Variants in CYB5R1 observed in about 807,000 individuals in gnomAD.
CYB5R1 encodes the protein cytochrome b5 reductase 1.
Under a neutral mutation model 37.4 loss-of-function variants are expected in CYB5R1, and 32 were observed. The observed-to-expected ratio is 0.86, with a 90% CI of 0.65 to 1.15. CYB5R1 has a LOEUF of 1.15. CYB5R1 is among the 50% of genes most tolerant of loss of function. The pLI is 0.00. For missense variants in CYB5R1, 345 were observed against 382.5 expected (o/e 0.90, Z 0.82); for synonymous variants, 159 against 155.2 (o/e 1.02, Z -0.18).
rs772370112 is a variant in CYB5R1 at position 202,966,518 on chromosome 1, CT to C, written c.238+9del. 11 of 1,613,998 alleles carry C rather than the reference CT, an allele frequency of 6.8e-6. No individual in the cohort carries two copies. The African/African-American group carries it at 1.5e-4, about 22-fold the overall frequency. On this transcript the variant is annotated intron_variant, in intron 3 of 8. Coordinates refer to ENST00000367249, the MANE Select transcript of CYB5R1 (RefSeq NM_016243.3). ...ACCAGGGAAAGGAGCCCATTCCACA[CT>C]TTCCTTACCCACAGGCAGCCCCAGA...
In CYB5R1 at chr1:202,965,628, T is replaced by A; in HGVS notation, c.346-128A>T. ...CTATCTTTTCCCCGTCTACATACTT[T>A]CTTTCTTTCTTTTTTTTTTTTGAGT... On this transcript the variant is annotated intron_variant, in intron 4 of 8. Transcript: ENST00000367249. The A allele has an allele frequency of 8.0e-6, 7 of 870,642 alleles. No individual in the cohort carries two copies. In the South Asian group the frequency reaches 1.3e-4, roughly 16 times the overall value. The allele number at this position is 870,642 out of a possible 1,614,324, so 53.9% of individuals were successfully genotyped here.
Position 202,966,813 on chromosome 1 carries a change from C to G in CYB5R1, c.101G>C (p.Arg34Pro), listed in dbSNP as rs565157209. ...AVGSYLVRRS[R>P]RPQVTLLDPN... ...GTCCAGGAGAGTGACCTGAGGCCGG[C>G]GGGACCTCCGAACCAAGTAGGAGCC... is the stretch of plus-strand genomic sequence containing the variant. Residue 34 changes from arginine (R) to proline (P), a missense_variant, in exon 2 of 9, where the codon CGC becomes CCC. Transcript: ENST00000367249. The G allele has an allele frequency of 2.4e-5, 38 of 1,614,096 alleles. 1 individual carries two copies. In the South Asian group the frequency reaches 3.8e-4, roughly 16 times the overall value.
At position 202,962,589 on chromosome 1, in the gene CYB5R1, G is replaced by C; in HGVS notation, c.856C>G (p.Leu286Val). The C allele has an allele frequency of 6.2e-7, 1 of 1,613,976 alleles. No individual in the cohort carries two copies. Among genetic ancestry groups the C allele is most frequent in the Non-Finnish European group, 8.5e-7 (1 of 1,179,956 alleles). Residue 286 changes from leucine (L) to valine (V), a missense_variant, in exon 9 of 9, where the codon CTG (leucine) becomes GTG (valine). Leu to Val is a conservative substitution (Grantham distance 32). Transcript: ENST00000367249. ...LLCGPPPMVQ[L>V]ACHPNLDKLG... ...TTGTCCAAGTTGGGATGGCAGGCCA[G>C]CTGCACCATTGGGGGTGGCCCACAA...
At chr1:202,963,535 A>T (rs746569123) in intron 7 of CYB5R1, 107 bp downstream of exon 7, 59 of 765,070 alleles carry the variant, frequency 7.7e-5, no homozygotes, top group African/African-American at 1.4e-4. Flanking sequence ...GACCTTGGGC[A>T]GAGGCTAAAA....
At chr1:202,966,441 T>C (rs888057878) in intron 3 of CYB5R1, 87 bp downstream of exon 3, 2 of 1,471,286 alleles carry the variant, frequency 1.4e-6, no homozygotes, top group Admixed American at 1.7e-5. Context: ...AGCAAACCGG[T>C]TGAAGCAGCG....
intron 8 of CYB5R1, 62 bp from the exon 9 acceptor site, chr1:202,962,761 T>C: frequency 6.3e-7 from 1 of 1,587,836 alleles, no homozygotes; most frequent in Non-Finnish European, 8.6e-7. Flanking sequence ...GGGGGTGTGG[T>C]GCCATGAGAC....
intron 4 of CYB5R1, 68 bp downstream of exon 4, chr1:202,965,819 C>A: frequency 2.5e-6 from 3 of 1,195,830 alleles, no homozygotes; most frequent in Non-Finnish European, 3.7e-6. Context: ...TCAGGCAAAT[C>A]TTAGAAATTT....
At chr1:202,962,811 G>A (rs776768068) in intron 8 of CYB5R1, 112 bp from the exon 9 acceptor site, 4 of 1,355,426 alleles carry the variant, frequency 3.0e-6, no homozygotes, top group Non-Finnish European at 4.1e-6. Flanking sequence ...AGTGTCAAGT[G>A]GTAGCAGCAG....
At position 202,962,578 on chromosome 1, in the gene CYB5R1, A is replaced by G. The variant is rs895357355; in HGVS notation, c.867T>C (p.His289=). 1 of 1,613,678 alleles carries G rather than the reference A, an allele frequency of 6.2e-7. No individual in the cohort carries two copies. Among genetic ancestry groups the G allele is most frequent in the African/African-American group, 1.3e-5 (1 of 75,030 alleles). The part of the protein sequence containing the change: ...GPPPMVQLAC[H]PNLDKLGYSQ... ...AGTAGCCCAGTTTGTCCAAGTTGGG[A>G]TGGCAGGCCAGCTGCACCATTGGGG... The change falls in exon 9 of 9, where the codon CAT becomes CAC. Residue 289 remains histidine (H), a synonymous_variant. Coordinates refer to ENST00000367249, the MANE Select transcript of CYB5R1 (RefSeq NM_016243.3).
At position 202,966,837 on chromosome 1, in the gene CYB5R1, C is replaced by G; in HGVS notation, c.77G>C (p.Gly26Ala). 5 of 1,614,068 alleles carry G rather than the reference C, an allele frequency of 3.1e-6. No homozygotes were observed. Among genetic ancestry groups the G allele is most frequent in the Non-Finnish European group, 4.2e-6 (5 of 1,179,984 alleles). The change falls in exon 2 of 9, where the codon GGC (glycine) becomes GCC (alanine). Residue 26 changes from glycine to alanine, a missense_variant. Gly to Ala is a moderately conservative substitution (Grantham distance 60, BLOSUM62 0). Transcript: ENST00000367249. The part of the protein sequence containing the change: ...GLVTLLGLAV[G>A]SYLVRRSRRP... ...GCGGGACCTCCGAACCAAGTAGGAGCCCACAGCCAGGCCGAGCAGAGTGAC... is the reference window on the plus strand; with the variant it reads ...GCGGGACCTCCGAACCAAGTAGGAGGCCACAGCCAGGCCGAGCAGAGTGAC...
Position 202,963,071 on chromosome 1 carries a change from G to C in CYB5R1, c.740C>G (p.Pro247Arg). Residue 247 changes from proline to arginine, a missense_variant, in exon 8 of 9, where the codon CCA becomes CGA. Physicochemically the swap from Pro to Arg is moderately radical, Grantham distance 103. Coordinates refer to ENST00000367249, the MANE Select transcript of CYB5R1 (RefSeq NM_016243.3). ...TCCAGAAATGGGAAGGATACCTTTT[G>C]GGGGATGATCCAGAGTGAACCAGAG... ...FKLWFTLDHP[P>R]KDWAYSKGFV... 2 of 1,613,416 alleles carry C rather than the reference G, an allele frequency of 1.2e-6. No individual in the cohort carries two copies. Among genetic ancestry groups the C allele is most frequent in the Middle Eastern group, 1.6e-4 (1 of 6,062 alleles).
chr1:202,963,003 A>T (rs1297980065), intron 8 of CYB5R1, 63 bp downstream of exon 8: 1 of 1,464,992 alleles, frequency 6.8e-7, no homozygotes, highest in South Asian at 1.1e-5. Context: ...GAATTCACAA[A>T]GGGGCAAGGC....
intron 1 of CYB5R1, 44 bp from the exon 2 acceptor site, chr1:202,966,942 C>G: frequency 6.4e-7 from 1 of 1,553,304 alleles, no homozygotes. Context: ...TGGGTAAGAG[C>G]CCGGGGCTTG....
Position 202,964,708 on chromosome 1 carries a change from G to A in CYB5R1, c.476-13C>T, listed in dbSNP as rs374488728. ...ATGTTAAAATGCCCTGAGAGGTCAGGTGAAGAGAGCAGTGGAAGAATAAAG... is the reference window on the plus strand; with the variant it reads ...ATGTTAAAATGCCCTGAGAGGTCAGATGAAGAGAGCAGTGGAAGAATAAAG... On this transcript the variant is annotated splice_polypyrimidine_tract_variant and intron_variant, in intron 5 of 8. Transcript: ENST00000367249. 23 of 1,591,072 alleles carry A rather than the reference G, an allele frequency of 1.4e-5. No individual in the cohort carries two copies. Among genetic ancestry groups the A allele is most frequent in the Non-Finnish European group, 2.0e-5 (23 of 1,159,132 alleles).
At chr1:202,965,849 T>G (rs758276924) in intron 4 of CYB5R1, 38 bp downstream of exon 4, 50 of 1,385,344 alleles carry the variant, frequency 3.6e-5, no homozygotes, top group Non-Finnish European at 4.9e-5. Context: ...CCAGAAAGAA[T>G]GGGTAAGCAG....
Position 202,962,051 on chromosome 1 carries a change from C to T in CYB5R1, c.*476G>A, listed in dbSNP as rs932767660. 6.5e-6 allele frequency: 1 copy of T among 152,766 alleles called. No individual in the cohort carries two copies. Among genetic ancestry groups the T allele is most frequent in the African/African-American group, 2.4e-5 (1 of 41,458 alleles). 9.5% of individuals were successfully genotyped at this position (152,766 alleles called of 1,614,324 possible). The stretch of plus-strand genomic sequence containing the variant: ...TTGAGATCTGAAGAAATCATTTCCT[C>T]CTTTCTTGCCATCTCCATAAGACCA... On this transcript the variant is annotated 3_prime_UTR_variant, in exon 9 of 9. Transcript: ENST00000367249.
In CYB5R1 at chr1:202,966,851, G is replaced by A. The variant is rs757335214; in HGVS notation, c.63C>T (p.Leu21=). Residue 21 remains leucine (L), a synonymous_variant, in exon 2 of 9, where the codon CTC becomes CTT. Transcript: ENST00000367249. ...CCAAGTAGGAGCCCACAGCCAGGCC[G>A]AGCAGAGTGACCAGCCCCACCCCCA... ...ASLGVGLVTL[L]GLAVGSYLVR... 2.0e-4 allele frequency: 320 copies of A among 1,613,684 alleles called. No homozygotes were observed. The highest frequency in any genetic ancestry group is 2.5e-4 in the Non-Finnish European group (297 of 1,179,878).
Position 202,962,647 on chromosome 1 carries a change from C to A in CYB5R1, c.798G>T (p.Leu266=). 1 of 1,614,148 alleles carries A rather than the reference C, an allele frequency of 6.2e-7. No homozygotes were observed. Among genetic ancestry groups the A allele is most frequent in the South Asian group, 1.1e-5 (1 of 91,082 alleles). The part of the protein sequence containing the change: ...FVTADMIREH[L]PAPGDDVLVL... ...CCAGCACATCATCCCCTGGAGCGGG[C>A]AGGTGTTCCCGGATCATGTCGGCAG... is the stretch of plus-strand genomic sequence containing the variant. The change falls in exon 9 of 9, where the codon CTG becomes CTT. Residue 266 remains leucine, a synonymous_variant. Coordinates refer to ENST00000367249, the MANE Select transcript of CYB5R1 (RefSeq NM_016243.3).
At chr1:202,963,344 C>T (rs1341552730) in intron 7 of CYB5R1, 179 bp from the exon 8 acceptor site, 2 of 604,496 alleles carry the variant, frequency 3.3e-6, no homozygotes, top group Non-Finnish European at 5.9e-6. Context: ...GGGGAACAGC[C>T]TTTATCTACA....
Sources: gnomAD v4.1 joint callset for allele counts on GRCh38, gnomAD v4.1.1 for gene constraint, MANE v1.5 for transcripts, NCBI Gene and HGNC (gene_info 2026-07-23, HGNC 2026-07-21) for gene names.